The following PRR12 variants were observed in gnomAD, a reference collection of about 807,000 sequenced individuals.
The protein encoded by PRR12 is proline-rich protein 12.
A neutral mutation model predicts 138.0 loss-of-function variants in PRR12; 12 were observed. The observed-to-expected ratio is 0.09, with a 90% CI of 0.06 to 0.14. The LOEUF is 0.14. PRR12 is among the 10% of genes least tolerant of loss of function. The probability of loss-of-function intolerance (pLI) is 1.00; values close to 1 mark genes in which losing one functional copy is unlikely to be tolerated. For synonymous variants in PRR12, 1,567 were observed against 1,291.7 expected, an observed-to-expected ratio of 1.21 and a Z score of -4.57; for missense variants, 2,692 against 2,861.3, an observed-to-expected ratio of 0.94 and a Z score of 1.35.
chr19:49,597,165 C>A lies in PRR12; in HGVS notation c.2830C>A (p.Arg944Ser), dbSNP rs1271013216. The change falls in exon 4 of 14, where the codon CGC (arginine) becomes AGC (serine). Residue 944 changes from arginine to serine, a missense_variant. By Grantham distance (110) the Arg-to-Ser change is moderately radical. This residue lies in a region of PRR12 where 840 missense variants were observed against 689.8 expected (regional missense o/e 1.22). Transcript: ENST00000418929. This position sits in a 1 kb window ranked among gnomAD's most constrained non-coding sequence, Gnocchi z 6.3. The stretch of plus-strand genomic sequence containing the variant: ...TGACTCCTTGCTCCAAGACGAGGAG[C>A]GCAGCTTCTTCCCCACCATGGAGGA... ...FPDSLLQDEE[R>S]SFFPTMEEMF... 1.3e-6 allele frequency: 2 copies of A among 1,552,570 alleles called. No individual in the cohort carries two copies. The highest frequency in any genetic ancestry group is 1.7e-6 in the Non-Finnish European group (2 of 1,148,114).
At position 49,594,722 on chromosome 19, in the gene PRR12, G is replaced by C. The variant is rs1372378760; in HGVS notation, c.387G>C (p.Glu129Asp). 1 of 1,613,142 alleles carries C rather than the reference G, an allele frequency of 6.2e-7. No individual in the cohort carries two copies. ...QTAMHTPGPT[E>D]LFISGALPGS... ...CCATGCACACGCCAGGCCCCACGGA[G>C]CTCTTCATCTCGGGTGCCCTGCCGG... The change falls in exon 4 of 14, where the codon GAG (glutamate) becomes GAC (aspartate). Residue 129 changes from glutamate (E) to aspartate (D), a missense_variant. Physicochemically the swap from Glu to Asp is conservative, Grantham distance 45. Coordinates refer to ENST00000418929, the MANE Select transcript of PRR12 (RefSeq NM_020719.3). The surrounding 1 kb of genome is among the most constrained non-coding windows in gnomAD (Gnocchi z 5.6).
At chr19:49,606,468 C>G (rs1427218518) in intron 6 of PRR12, among the ~76,000 whole-genome samples, 1 of 148,438 alleles carries the variant, frequency 6.7e-6, no homozygotes, top group African/African-American at 2.5e-5. Flanking sequence ...CGTGCCACCA[C>G]GTCAGGCTAA....
At chr19:49,618,721 C>T (rs911825440) in intron 9 of PRR12, among the ~76,000 whole-genome samples, 4 of 152,070 alleles carry the variant, frequency 2.6e-5, no homozygotes, top group Admixed American at 6.6e-5. Context: ...GTCGCCCCCA[C>T]AGCTGGGCAG....
Position 49,615,005 on chromosome 19 carries a change from G to A in PRR12, c.5020G>A (p.Val1674Ile). ...RKPWHRPPVP[V>I]RRSGQAKNPV... ...ACCCTGGCATCGGCCCCCAGTGCCA[G>A]TCAGGTACCAACCATGGGGGACACA... Residue 1674 changes from valine to isoleucine, a missense_variant, in exon 8 of 14, where the codon GTC (valine) becomes ATC (isoleucine). Val to Ile is a conservative substitution (Grantham distance 29). Around this residue, in one of 11 missense-constraint regions of PRR12, gnomAD observed 259 missense variants for 265.1 expected, o/e 0.98. Coordinates refer to ENST00000418929, the MANE Select transcript of PRR12 (RefSeq NM_020719.3). 1 of 1,613,976 alleles carries A rather than the reference G, an allele frequency of 6.2e-7. No homozygotes were observed. Among genetic ancestry groups the A allele is most frequent in the South Asian group, 1.1e-5 (1 of 91,082 alleles).
intron 6 of PRR12, among the ~76,000 whole-genome samples, chr19:49,605,473 G>T (rs1236498007): frequency 6.6e-6 from 1 of 152,022 alleles, no homozygotes. Flanking sequence ...TGTTGGCCAG[G>T]CTGCTCTCGA....
At position 49,599,766 on chromosome 19, in the gene PRR12, C is replaced by T; in HGVS notation, c.4173C>T (p.Asn1391=). 6.2e-7 allele frequency: 1 copy of T among 1,613,672 alleles called. No individual in the cohort carries two copies. Residue 1391 remains asparagine, a synonymous_variant, in exon 5 of 14, where the codon AAC becomes AAT. Coordinates refer to ENST00000418929, the MANE Select transcript of PRR12 (RefSeq NM_020719.3). This position sits in a 1 kb window ranked among gnomAD's most constrained non-coding sequence, Gnocchi z 5.0. ...SSDEEDSVAK[N]RDLQESISSA... ...ATGAGGAAGACTCTGTCGCCAAGAA[C>T]CGAGACCTGCAGGAGAGCATCTCCT...
At position 49,625,460 on chromosome 19, in the gene PRR12, G is replaced by T; in HGVS notation, c.5965-1G>T. On this transcript the variant is annotated splice_acceptor_variant, in intron 13 of 13. Coordinates refer to ENST00000418929, the MANE Select transcript of PRR12 (RefSeq NM_020719.3). LOFTEE classifies it high-confidence loss of function. The surrounding 1 kb of genome is among the most constrained non-coding windows in gnomAD (Gnocchi z 5.5). The stretch of plus-strand genomic sequence containing the variant: ...CCCAGTGCCATGTTTGACCCCTGCA[G>T]ACCCTGGCCATCGAGGGCGGCGCCG... 1 of 1,605,374 alleles carries T rather than the reference G, an allele frequency of 6.2e-7. No individual in the cohort carries two copies.
At chr19:49,622,955 A>AGAGG (rs2080933312) in intron 11 of PRR12, among the ~76,000 whole-genome samples, 1 of 108,430 alleles carries the variant, frequency 9.2e-6, no homozygotes, top group South Asian at 3.3e-4. Context: ...AGAGAGAGAG[A>AGAGG]GAAAGAGAGA....
In PRR12 at chr19:49,621,830, T is replaced by A. The variant is rs908941511; in HGVS notation, c.5721+208T>A. ...CCATGTGGGGAGGAGCTGTGGGCCT[T>A]GGGGCAGCAGAGGGGTGGTTGTGAA... is the stretch of plus-strand genomic sequence containing the variant. On this transcript the variant is annotated intron_variant, in intron 11 of 13. Transcript: ENST00000418929. 3 of 573,718 alleles carry A rather than the reference T, an allele frequency of 5.2e-6. No homozygotes were observed. In the African/African-American group the frequency reaches 5.6e-5, roughly 11 times the overall value. 35.5% of individuals were successfully genotyped at this position (573,718 alleles called of 1,614,324 possible).
Position 49,602,975 on chromosome 19 carries a change from C to T in PRR12, c.4773+1057C>T, listed in dbSNP as rs547367518. Among the ~76,000 whole-genome samples, 16 of 152,380 alleles carry T rather than the reference C, an allele frequency of 1.1e-4. No homozygotes were observed. The South Asian group carries it at 3.1e-3, about 30-fold the overall frequency. ...ACTATGGCCCCTAGGCCAAATCCAG[C>T]CCACTGCTTGTTTTTGCAAATAAAG... is the stretch of plus-strand genomic sequence containing the variant. On this transcript the variant is annotated intron_variant, in intron 6 of 13. Coordinates refer to ENST00000418929, the MANE Select transcript of PRR12 (RefSeq NM_020719.3).
At chr19:49,605,906 T>C (rs1051603676) in intron 6 of PRR12, among the ~76,000 whole-genome samples, 4 of 152,266 alleles carry the variant, frequency 2.6e-5, no homozygotes, top group African/African-American at 9.6e-5. Context: ...GGGACTCATT[T>C]GTGGGCCTAG....
At chr19:49,593,117 GGGCTCTGGAGTGGGGGCCATTTCTGT>G (rs1454534117) in intron 1 of PRR12, among the ~76,000 whole-genome samples, 184 bp from the exon 2 acceptor site, 1 of 151,936 alleles carries the variant, frequency 6.6e-6, no homozygotes, top group Non-Finnish European at 1.5e-5. Context: ...CTCTTTATTC[GGGCTCTGGAGTGGGGGCCATTTCTGT>G]GGCTCTTTAG....
intron 11 of PRR12, among the ~76,000 whole-genome samples, chr19:49,623,395 G>A (rs1029563642): frequency 2.6e-5 from 4 of 151,982 alleles, no homozygotes; most frequent in Non-Finnish European, 2.9e-5. Context: ...GGAGGCTAAG[G>A]GAGGTGGATC....
At chr19:49,618,500 T>C (rs911763243) in intron 9 of PRR12, among the ~76,000 whole-genome samples, 3 of 151,930 alleles carry the variant, frequency 2.0e-5, no homozygotes, top group Non-Finnish European at 2.9e-5. Context: ...TGATCCTCCT[T>C]CTTCAGCCTC....
In PRR12 at chr19:49,625,695, C is replaced by T; in HGVS notation, c.*88C>T. ...TCCTCAGGAGCTAACACCTGGGCTC[C>T]ATCGCCGGGGAAAGGGGGTCATGGG... On this transcript the variant is annotated 3_prime_UTR_variant, in exon 14 of 14. Transcript: ENST00000418929. This position sits in a 1 kb window ranked among gnomAD's most constrained non-coding sequence, Gnocchi z 5.5. 4.1e-6 allele frequency: 6 copies of T among 1,468,156 alleles called. No individual in the cohort carries two copies. Among genetic ancestry groups the T allele is most frequent in the South Asian group, 1.4e-5 (1 of 70,850 alleles). The allele number at this position is 1,468,156 out of a possible 1,614,324, so 90.9% of individuals were successfully genotyped here. A position where few individuals can be genotyped will look rare whatever the true frequency, so the allele number is the denominator to read the frequency against.
In PRR12 at chr19:49,614,980, A is replaced by G. The variant is rs2080883930; in HGVS notation, c.4995A>G (p.Lys1665=). Residue 1665 remains lysine (K), a synonymous_variant, in exon 8 of 14, where the codon AAA becomes AAG. Coordinates refer to ENST00000418929, the MANE Select transcript of PRR12 (RefSeq NM_020719.3). The surrounding 1 kb of genome is among the most constrained non-coding windows in gnomAD (Gnocchi z 5.0). ...KKDYVRVCAR[K]PWHRPPVPVR... is the part of the protein sequence containing the mutation. ...ACTACGTGAGGGTCTGTGCTCGGAA[A>G]CCCTGGCATCGGCCCCCAGTGCCAG... 1.2e-6 allele frequency: 2 copies of G among 1,613,804 alleles called. No homozygotes were observed. The highest frequency in any genetic ancestry group is 2.7e-5 in the African/African-American group (2 of 74,908).
intron 5 of PRR12, 38 bp from the exon 6 acceptor site, chr19:49,601,453 T>C (rs2080809307): frequency 2.5e-6 from 3 of 1,183,730 alleles, no homozygotes; most frequent in African/African-American, 1.5e-5. Flanking sequence ...CCAGGAATGA[T>C]GAATAACATC....
At position 49,615,917 on chromosome 19, in the gene PRR12, C is replaced by T; in HGVS notation, c.5195C>T (p.Pro1732Leu). 3 of 1,561,116 alleles carry T rather than the reference C, an allele frequency of 1.9e-6. No homozygotes were observed. Among genetic ancestry groups the T allele is most frequent in the Non-Finnish European group, 2.6e-6 (3 of 1,152,576 alleles). The change falls in exon 9 of 14, where the codon CCC (proline) becomes CTC (leucine). Residue 1732 changes from proline to leucine, a missense_variant. Physicochemically the swap from Pro to Leu is moderately conservative, Grantham distance 98. Around this residue, in one of 11 missense-constraint regions of PRR12, gnomAD observed 259 missense variants for 265.1 expected, o/e 0.98. Transcript: ENST00000418929. Reference sequence around the variant, plus strand: ...CCTGAGCCCCCTGCCCCCGAGAAGCCCTCCCTCCTGCGGCCTGTTGAGAAG... The same window carrying T: ...CCTGAGCCCCCTGCCCCCGAGAAGCTCTCCCTCCTGCGGCCTGTTGAGAAG... ...AMPEPPAPEK[P>L]SLLRPVEKEK...
At position 49,613,422 on chromosome 19, in the gene PRR12, A is replaced by G. The variant is rs151201329; in HGVS notation, c.4774-1111A>G. ...CATTAGGACATTTATGACTTGTACT[A>G]TTATTTCTTGTGTCCATATTTCGCG... is the stretch of plus-strand genomic sequence containing the variant. On this transcript the variant is annotated intron_variant, in intron 6 of 13. Transcript: ENST00000418929. Among the ~76,000 whole-genome samples the G allele has an allele frequency of 1.4e-4, 21 of 151,478 alleles. No individual in the cohort carries two copies. The East Asian group carries it at 4.1e-3, about 30-fold the overall frequency.
Sources: gnomAD v4.1 joint callset for allele counts (sites outside exome capture counted in the v4.1 genomes callset) on GRCh38, gnomAD v4.1.1 for gene constraint, gnomAD v4.1.1 regional missense constraint, Gnocchi (gnomAD v3.1) non-coding constraint, MANE v1.5 for transcripts, NCBI Gene and HGNC (gene_info 2026-07-23, HGNC 2026-07-21) for gene names.